TLE4: variants seen among roughly 807,000 people sequenced by gnomAD.
TLE4 encodes the protein transducin-like enhancer protein 4.
A neutral mutation model predicts 92.8 loss-of-function variants in TLE4; 8 were observed. That is an observed-to-expected ratio of 0.09 (90% CI 0.05 to 0.16). The LOEUF is 0.16. Among genes scored for constraint, TLE4 ranks in the 10% least tolerant of loss-of-function variants. TLE4 has a pLI of 1.00. For missense variants in TLE4, 675 were observed against 997.6 expected (o/e 0.68, Z 4.36); for synonymous variants, 371 against 374.1 (o/e 0.99, Z 0.10).
At chr9:79,663,723 T>C (rs2060928064) in intron 8 of TLE4, 1 of 152,094 alleles carries the variant, frequency 6.6e-6, no homozygotes, top group South Asian at 2.1e-4. Flanking sequence ...AATATAAACA[T>C]GGGTCTTCCC....
intron 14 of TLE4, among the ~76,000 whole-genome samples, chr9:79,710,662 C>T (rs2073045631): frequency 6.6e-6 from 1 of 152,152 alleles, no homozygotes; most frequent in African/African-American, 2.4e-5. Flanking sequence ...CTTTCTGTGG[C>T]TTAGTGTCTC....
At chr9:79,603,985 G>T (rs2046266546) in intron 4 of TLE4, among the ~76,000 whole-genome samples, 1 of 152,168 alleles carries the variant, frequency 6.6e-6, no homozygotes, top group Admixed American at 6.5e-5. Flanking sequence ...AACATTTCCA[G>T]GTGATTAGTA....
At chr9:79,590,759 A>G (rs1424092880) in intron 4 of TLE4, among the ~76,000 whole-genome samples, 1 of 152,194 alleles carries the variant, frequency 6.6e-6, no homozygotes. Context: ...ACTTGATTTT[A>G]CATTTTGAAT....
intron 19 of TLE4, among the ~76,000 whole-genome samples, chr9:79,723,590 C>T (rs1361115704): frequency 6.6e-6 from 1 of 152,128 alleles, no homozygotes; most frequent in African/African-American, 2.4e-5. Context: ...CACACGCTCT[C>T]CTCCTCTCTC....
At chr9:79,658,067 GT>G (rs1307756108) in intron 8 of TLE4, among the ~76,000 whole-genome samples, 2 of 152,136 alleles carry the variant, frequency 1.3e-5, no homozygotes, top group Non-Finnish European at 2.9e-5. Flanking sequence ...CATCTGAGTG[GT>G]GGTGTTTTTA....
intron 4 of TLE4, among the ~76,000 whole-genome samples, chr9:79,599,341 A>T (rs895002894): frequency 6.6e-6 from 1 of 152,140 alleles, no homozygotes; most frequent in African/African-American, 2.4e-5. Flanking sequence ...TCCTGCCTGC[A>T]CATTAGATTC....
intron 4 of TLE4, among the ~76,000 whole-genome samples, chr9:79,604,700 TA>T (rs2046413583): frequency 1.3e-5 from 2 of 152,120 alleles, no homozygotes; most frequent in Admixed American, 6.6e-5. Flanking sequence ...GCTCTCTGTA[TA>T]AAAGGTGGCT....
At chr9:79,623,699 GTTT>G (rs35464327) in intron 5 of TLE4, among the ~76,000 whole-genome samples, 3 of 137,298 alleles carry the variant, frequency 2.2e-5, no homozygotes, top group African/African-American at 5.4e-5. Context: ...CAATCTAAGG[GTTT>G]TTTTTTTTTT....
At chr9:79,701,862 C>T (rs1354370171) in intron 8 of TLE4, among the ~76,000 whole-genome samples, 1 of 152,198 alleles carries the variant, frequency 6.6e-6, no homozygotes, top group African/African-American at 2.4e-5. Flanking sequence ...GCCCCACCCT[C>T]AGGGAACCCA....
intron 14 of TLE4, 120 bp downstream of exon 14, chr9:79,709,819 C>T (rs1565117448): frequency 1.4e-6 from 1 of 698,996 alleles, no homozygotes; most frequent in Non-Finnish European, 2.3e-6. Flanking sequence ...TATTTTTTTA[C>T]CTTGCAAGGT....
intron 8 of TLE4, among the ~76,000 whole-genome samples, chr9:79,690,506 T>C (rs2066820272): frequency 6.6e-6 from 1 of 152,234 alleles, no homozygotes; most frequent in Non-Finnish European, 1.5e-5. Context: ...CCTAGTTGTT[T>C]CTCACCTTCT....
intron 4 of TLE4, among the ~76,000 whole-genome samples, chr9:79,591,305 G>A (rs1355346745): frequency 6.6e-6 from 1 of 152,174 alleles, no homozygotes; most frequent in East Asian, 1.9e-4. Flanking sequence ...ACTTAGGCAG[G>A]TTGAAAGGAA....
intron 8 of TLE4, among the ~76,000 whole-genome samples, chr9:79,657,893 G>A (rs2134352568): frequency 6.6e-6 from 1 of 152,250 alleles, no homozygotes; most frequent in South Asian, 2.1e-4. Flanking sequence ...TTATTACTTT[G>A]TAAGTCCTTT....
chr9:79,717,193 G>T (rs1423551028), intron 14 of TLE4, among the ~76,000 whole-genome samples: 1 of 152,090 alleles, frequency 6.6e-6, no homozygotes, highest in Non-Finnish European at 1.5e-5. Flanking sequence ...ACAGCTGTTT[G>T]GATTTCTGCC....
At position 79,668,883 on chromosome 9, in the gene TLE4, T is replaced by A; in HGVS notation, c.609+14808T>A. The A allele has an allele frequency of 3.1e-6, 3 of 962,464 alleles. 1 individual carries two copies. In the South Asian group the frequency reaches 1.4e-4, roughly 46 times the overall value. 59.6% of individuals were successfully genotyped at this position (962,464 alleles called of 1,614,324 possible). On this transcript the variant is annotated intron_variant, in intron 8 of 19. Coordinates refer to ENST00000376552, the MANE Select transcript of TLE4 (RefSeq NM_007005.6). ...TTTTTAGTGAAATAGCAAAAGCATGTCAACAATGTAGCTGCAGATGATAAT... is the reference window on the plus strand; with the variant it reads ...TTTTTAGTGAAATAGCAAAAGCATGACAACAATGTAGCTGCAGATGATAAT...
chr9:79,692,099 G>T (rs957422617), intron 8 of TLE4, among the ~76,000 whole-genome samples: 2 of 152,046 alleles, frequency 1.3e-5, no homozygotes, highest in Non-Finnish European at 2.9e-5. Context: ...TAGTTTTGAG[G>T]CCCCACTCAC....
chr9:79,599,755 T>C (rs2045106169), intron 4 of TLE4, among the ~76,000 whole-genome samples: 2 of 152,248 alleles, frequency 1.3e-5, no homozygotes, highest in South Asian at 4.1e-4. Context: ...ACATGTGGTA[T>C]AGAAAATGTT....
At chr9:79,660,164 G>A (rs1388653332) in intron 8 of TLE4, among the ~76,000 whole-genome samples, 1 of 152,182 alleles carries the variant, frequency 6.6e-6, no homozygotes, top group Non-Finnish European at 1.5e-5. Flanking sequence ...GCTATGCCAG[G>A]TTCTGCAACA....
chr9:79,716,155 G>A (rs11138341), intron 14 of TLE4, among the ~76,000 whole-genome samples: 16,010 of 152,138 alleles, frequency 0.11, 948 homozygotes, highest in African/African-American at 0.14. Flanking sequence ...AGCCTATATG[G>A]CCCTTTTTAG....
Sources: allele counts gnomAD v4.1 joint callset (sites outside exome capture counted in the v4.1 genomes callset), GRCh38; gene constraint gnomAD v4.1.1; transcripts MANE v1.5; gene names NCBI Gene and HGNC (gene_info 2026-07-23, HGNC 2026-07-21).